Variants in SV2C observed in about 807,000 individuals in gnomAD.
SV2C encodes solute carrier family 22 member B3.
A neutral mutation model predicts 79.7 loss-of-function variants in SV2C; 49 were observed. The ratio of observed to expected loss-of-function variants is 0.61; its 90% CI spans 0.49 to 0.78. SV2C has a LOEUF of 0.78. Ranked by LOEUF, SV2C falls within the 30% of genes least tolerant of loss-of-function variation. SV2C has a pLI of 0.00. For missense variants in SV2C, 833 were observed against 912.9 expected (o/e 0.91, Z 1.13); for synonymous variants, 334 against 333.2 (o/e 1.00, Z -0.03).
intron 2 of SV2C, among the ~76,000 whole-genome samples, chr5:76,139,917 C>T (rs1308060059): frequency 5.2e-5 from 3 of 58,192 alleles, no homozygotes; most frequent in Admixed American, 3.4e-4. Context: ...GGCCGGACTG[C>T]GGACTGCAGT....
the SV2C span, among the ~76,000 whole-genome samples, chr5:76,065,818 C>G: frequency 1.3e-5 from 2 of 152,112 alleles, no homozygotes; most frequent in Admixed American, 6.5e-5. Context: ...AAGATATTTC[C>G]AGTTTGTGCT....
At chr5:76,215,239 T>C (rs1744880753) in intron 4 of SV2C, among the ~76,000 whole-genome samples, 1 of 152,166 alleles carries the variant, frequency 6.6e-6, no homozygotes, top group Non-Finnish European at 1.5e-5. Flanking sequence ...TTCCTGTCCA[T>C]GAAAGGCCCA....
At chr5:76,159,400 C>T (rs952570997) in intron 2 of SV2C, among the ~76,000 whole-genome samples, 1 of 152,070 alleles carries the variant, frequency 6.6e-6, no homozygotes, top group Non-Finnish European at 1.5e-5. Context: ...CACTAAAAAA[C>T]CATTAAAACT....
chr5:76,250,170 T>A (rs1335929420), intron 4 of SV2C, among the ~76,000 whole-genome samples: 1 of 152,020 alleles, frequency 6.6e-6, no homozygotes, highest in African/African-American at 2.4e-5. Context: ...CTTCTCCATG[T>A]CATTCTGGCT....
the SV2C span, among the ~76,000 whole-genome samples, chr5:75,883,358 T>C: frequency 6.9e-6 from 1 of 145,292 alleles, no homozygotes; most frequent in Non-Finnish European, 1.5e-5. Context: ...CCCAAAGGAC[T>C]ATAAATCATG....
At chr5:76,265,341 T>C (rs1012119648) in intron 4 of SV2C, among the ~76,000 whole-genome samples, 6 of 152,148 alleles carry the variant, frequency 3.9e-5, no homozygotes, top group African/African-American at 1.2e-4. Context: ...TTCAGACAGC[T>C]GTGCTGGCAG....
intron 2 of SV2C, among the ~76,000 whole-genome samples, chr5:76,189,696 A>G (rs965164246): frequency 1.3e-5 from 2 of 152,142 alleles, no homozygotes; most frequent in Admixed American, 1.3e-4. Flanking sequence ...TCTTTGCATC[A>G]CTACAGTCAT....
At chr5:75,851,752 T>C in the SV2C span, among the ~76,000 whole-genome samples, 1 of 152,162 alleles carries the variant, frequency 6.6e-6, no homozygotes, top group African/African-American at 2.4e-5. Context: ...GCCATTCTGC[T>C]GCCTCCGCTG....
At chr5:75,919,740 A>G in the SV2C span, among the ~76,000 whole-genome samples, 1 of 152,232 alleles carries the variant, frequency 6.6e-6, no homozygotes, top group Non-Finnish European at 1.5e-5. Context: ...GTAGGTAAAC[A>G]ATACACTCAG....
intron 4 of SV2C, among the ~76,000 whole-genome samples, chr5:76,211,979 TGGTG>T (rs1744780781): frequency 6.6e-6 from 1 of 152,180 alleles, no homozygotes; most frequent in South Asian, 2.1e-4. Context: ...CAAGCTCAAG[TGGTG>T]GGTTTTTCAT....
intron 1 of SV2C, among the ~76,000 whole-genome samples, chr5:76,124,217 G>A (rs1409376456): frequency 1.3e-5 from 2 of 152,032 alleles, no homozygotes; most frequent in Non-Finnish European, 2.9e-5. Context: ...CCATCACTCT[G>A]TTCATCTTGT....
At chr5:76,314,685 G>A (rs750817056) in intron 12 of SV2C, among the ~76,000 whole-genome samples, 1 of 152,074 alleles carries the variant, frequency 6.6e-6, no homozygotes, top group African/African-American at 2.4e-5. Flanking sequence ...AGGAAAATGC[G>A]GCACAGAGAG....
At chr5:76,287,439 A>G (rs911413326) in intron 6 of SV2C, among the ~76,000 whole-genome samples, 14 of 152,178 alleles carry the variant, frequency 9.2e-5, no homozygotes, top group Admixed American at 9.2e-4. Flanking sequence ...GGGCACACAC[A>G]TACATAACAC....
In SV2C at chr5:76,295,254, T is replaced by G. The variant is rs566962367; in HGVS notation, c.1338-524T>G. Among the ~76,000 whole-genome samples, 373 of 152,280 alleles carry G rather than the reference T, an allele frequency of 2.4e-3. 1 individual carries two copies. Among genetic ancestry groups the G allele is most frequent in the Middle Eastern group, 6.8e-3 (2 of 292 alleles). On this transcript the variant is annotated intron_variant, in intron 8 of 12. Coordinates refer to ENST00000502798, the MANE Select transcript of SV2C (RefSeq NM_014979.4). ...TGCTTCCAAGATGGCAGCTTGTCGC[T>G]GAGTCCTCCAGAGGGGACAAATACT...
chr5:76,080,481 C>T (rs58410042), upstream of SV2C, among the ~76,000 whole-genome samples: 5,668 of 152,182 alleles, frequency 0.037, 511 homozygotes, highest in East Asian at 0.34. Flanking sequence ...TTTGGAAAAC[C>T]TTGCCCTGAC....
At chr5:75,992,085 T>C in the SV2C span, among the ~76,000 whole-genome samples, 80 of 152,118 alleles carry the variant, frequency 5.3e-4, no homozygotes, top group African/African-American at 1.9e-3. Flanking sequence ...GTTTATGGTA[T>C]ATTATTAGAT....
the SV2C span, among the ~76,000 whole-genome samples, chr5:76,049,025 A>AAGAAAGAAAGAAAGAAAGAAAGAAAGAG: frequency 6.2e-5 from 3 of 48,156 alleles, no homozygotes; most frequent in African/African-American, 5.8e-5. Context: ...GAAAGAAAGA[A>AAGAAAGAAAGAAAGAAAGAAAGAAAGAG]AAAGAAAAGA....
chr5:75,931,364 G>A, the SV2C span, among the ~76,000 whole-genome samples: 5 of 152,186 alleles, frequency 3.3e-5, no homozygotes, highest in Non-Finnish European at 5.9e-5. Flanking sequence ...CATCTGCCAT[G>A]AGTCTCAGTC....
At chr5:76,241,541 G>C (rs1334878868) in intron 4 of SV2C, among the ~76,000 whole-genome samples, 3 of 152,180 alleles carry the variant, frequency 2.0e-5, no homozygotes, top group African/African-American at 7.2e-5. Context: ...TCTTTTGACA[G>C]GTGCCATCTC....
Sources: gnomAD v4.1 joint callset for allele counts (sites outside exome capture counted in the v4.1 genomes callset) on GRCh38, gnomAD v4.1.1 for gene constraint, MANE v1.5 for transcripts, NCBI Gene and HGNC (gene_info 2026-07-23, HGNC 2026-07-21) for gene names.